TBCK: variants seen among roughly 807,000 people sequenced by gnomAD.
TBCK encodes the protein TBC domain-containing protein kinase-like protein.
A neutral mutation model predicts 113.4 loss-of-function variants in TBCK; 99 were observed. The ratio of observed to expected loss-of-function variants is 0.87; its 90% CI spans 0.74 to 1.03. The LOEUF (loss-of-function observed/expected upper bound fraction) is 1.03. Ranked by LOEUF, TBCK falls within the 50% of genes least tolerant of loss-of-function variation. TBCK has a pLI of 0.00. For synonymous variants in TBCK, 369 were observed against 370.8 expected (o/e 1.00, Z 0.05); for missense variants, 1,045 against 1,061.3 (o/e 0.98, Z 0.21).
At chr4:106,192,927 T>TA (rs1315794560) in intron 22 of TBCK, among the ~76,000 whole-genome samples, 1 of 152,074 alleles carries the variant, frequency 6.6e-6, no homozygotes, top group Non-Finnish European at 1.5e-5. Flanking sequence ...TTTTTTCACC[T>TA]AAAAAAACTG....
At chr4:106,191,812 G>T (rs893144107) in intron 22 of TBCK, among the ~76,000 whole-genome samples, 2 of 152,136 alleles carry the variant, frequency 1.3e-5, no homozygotes, top group African/African-American at 4.8e-5. Flanking sequence ...CAACTAAATA[G>T]ATTTCATTCC....
intron 25 of TBCK, among the ~76,000 whole-genome samples, chr4:106,049,622 T>C (rs1043508190): frequency 3.3e-5 from 5 of 151,928 alleles, no homozygotes; most frequent in African/African-American, 2.4e-5. Context: ...ATCTAGGGTA[T>C]AGGGTTTCTT....
At chr4:106,242,400 T>A in intron 12 of TBCK, 70 bp downstream of exon 12, 1 of 1,157,238 alleles carries the variant, frequency 8.6e-7, no homozygotes, top group Non-Finnish European at 1.2e-6. Context: ...ATACAAGATT[T>A]CTTGTGTATC....
intron 25 of TBCK, among the ~76,000 whole-genome samples, chr4:106,051,884 T>A (rs1734850857): frequency 6.6e-6 from 1 of 151,874 alleles, no homozygotes; most frequent in Non-Finnish European, 1.5e-5. Context: ...ATCTCAGTGC[T>A]CTCAATGAGA....
In TBCK at chr4:106,139,362, G is replaced by A. The variant is rs1288984129; in HGVS notation, c.2236-22984C>T. On this transcript the variant is annotated intron_variant, in intron 23 of 25. Coordinates refer to ENST00000394708, the MANE Select transcript of TBCK (RefSeq NM_001163435.3). ...CTGGGAAATATTCAGCTAATATCAT[G>A]CATCAGCCAACCATTTACATTTGAA... Among the ~76,000 whole-genome samples the A allele has an allele frequency of 1.4e-5, 2 of 141,818 alleles. 1 individual carries two copies. Among genetic ancestry groups the A allele is most frequent in the East Asian group, 4.0e-4 (2 of 4,948 alleles). 93.0% of individuals were successfully genotyped at this position (141,818 alleles called of 152,430 possible). A position where few individuals can be genotyped will look rare whatever the true frequency, so the allele number is the denominator to read the frequency against.
intron 3 of TBCK, among the ~76,000 whole-genome samples, chr4:106,293,586 A>G (rs990924081): frequency 5.9e-5 from 9 of 152,314 alleles, no homozygotes; most frequent in Non-Finnish European, 1.0e-4. Flanking sequence ...CCTGGTGCCA[A>G]AAAGTTTGGG....
chr4:106,081,392 T>C (rs1236584114), intron 25 of TBCK, among the ~76,000 whole-genome samples: 1 of 152,160 alleles, frequency 6.6e-6, no homozygotes, highest in Non-Finnish European at 1.5e-5. Context: ...AGTTGGAAGC[T>C]GTTATCCTCA....
chr4:106,050,882 C>T (rs1008032211), intron 25 of TBCK, among the ~76,000 whole-genome samples: 2 of 151,946 alleles, frequency 1.3e-5, no homozygotes, highest in African/African-American at 4.8e-5. Context: ...CACAGTTCCT[C>T]TGGTTTTTAG....
At chr4:106,077,321 A>T (rs763533865) in intron 25 of TBCK, among the ~76,000 whole-genome samples, 1 of 152,234 alleles carries the variant, frequency 6.6e-6, no homozygotes, top group Non-Finnish European at 1.5e-5. Flanking sequence ...TCACATAGCA[A>T]TATCGACCAT....
intron 23 of TBCK, among the ~76,000 whole-genome samples, chr4:106,141,821 A>G (rs1747175877): frequency 7.1e-6 from 1 of 141,286 alleles, no homozygotes; most frequent in Non-Finnish European, 1.6e-5. Context: ...AGTTTAATTC[A>G]ATCACAATAC....
At chr4:106,314,140 T>C (rs1007105758) in intron 1 of TBCK, among the ~76,000 whole-genome samples, 1 of 152,150 alleles carries the variant, frequency 6.6e-6, no homozygotes, top group Admixed American at 6.5e-5. Flanking sequence ...TTAAGAAATA[T>C]ATTACTAACT....
At chr4:106,316,392 G>A (rs764982680), upstream of TBCK, 2 of 697,048 alleles carry the variant, frequency 2.9e-6, no homozygotes, top group Non-Finnish European at 5.0e-6. Flanking sequence ...GTGAGGGAAT[G>A]GAAGACGAGG....
In TBCK at chr4:106,242,484, A is replaced by G. The variant is rs766906080; in HGVS notation, c.1156T>C (p.Cys386Arg). The G allele has an allele frequency of 1.1e-5, 18 of 1,603,426 alleles. No homozygotes were observed. The highest frequency in any genetic ancestry group is 5.6e-5 in the South Asian group (5 of 89,006). ...ATCTTTCTTACATTTCTTAGCTGGC[A>G]TAACGACAATGTCACAGTGGTATCA... The part of the protein sequence containing the change: ...LDDTTVTLSL[C>R]QLRNRLKDVG... The change falls in exon 12 of 26, where the codon TGC becomes CGC. Residue 386 changes from cysteine to arginine, a missense_variant. Cys to Arg is a radical substitution (Grantham distance 180). Coordinates refer to ENST00000394708, the MANE Select transcript of TBCK (RefSeq NM_001163435.3).
intron 11 of TBCK, among the ~76,000 whole-genome samples, chr4:106,242,842 T>C (rs1043953002): frequency 4.0e-5 from 6 of 150,688 alleles, no homozygotes; most frequent in Non-Finnish European, 7.4e-5. Context: ...TAGGTATATC[T>C]CCTAAAGCTA....
At chr4:106,238,769 G>T (rs998835500) in intron 12 of TBCK, 1 of 152,140 alleles carries the variant, frequency 6.6e-6, no homozygotes, top group Non-Finnish European at 1.5e-5. Flanking sequence ...GCATTGTGAT[G>T]TCCTCAAAGC....
chr4:106,226,943 A>G (rs184565980), intron 19 of TBCK, among the ~76,000 whole-genome samples: 448 of 152,282 alleles, frequency 2.9e-3, no homozygotes, highest in Non-Finnish European at 4.4e-3. Context: ...TGAAGAAGGT[A>G]TAACATGGTC....
intron 20 of TBCK, among the ~76,000 whole-genome samples, chr4:106,204,751 ATTTTTTTTTTTTT>A (rs34775295): frequency 1.1e-5 from 1 of 87,272 alleles, no homozygotes; most frequent in Non-Finnish European, 2.2e-5. Flanking sequence ...ACAAACAATG[ATTTTTTTTTTTTT>A]TTTTTTTTTT....
chr4:106,202,042 G>A (rs1351778591), intron 20 of TBCK, among the ~76,000 whole-genome samples: 4 of 151,936 alleles, frequency 2.6e-5, no homozygotes, highest in African/African-American at 9.7e-5. Context: ...TTAGTTAATG[G>A]ATCTAGAACA....
At chr4:106,123,250 C>G (rs988087265) in intron 23 of TBCK, among the ~76,000 whole-genome samples, 1 of 152,188 alleles carries the variant, frequency 6.6e-6, no homozygotes, top group Non-Finnish European at 1.5e-5. Context: ...AGAGCCAAAT[C>G]ATGAGTGAAC....
Sources: allele counts gnomAD v4.1 joint callset (sites outside exome capture counted in the v4.1 genomes callset), GRCh38; gene constraint gnomAD v4.1.1; transcripts MANE v1.5; gene names NCBI Gene and HGNC (gene_info 2026-07-23, HGNC 2026-07-21).